Variants in WSB1 observed in about 807,000 individuals in gnomAD.
WSB1 encodes the protein WD repeat and SOCS box containing 1.
Under a neutral mutation model 50.2 loss-of-function variants are expected in WSB1, and 23 were observed. That is an observed-to-expected ratio of 0.46 (90% CI 0.33 to 0.65). WSB1 has a LOEUF of 0.65. Ranked by LOEUF, WSB1 falls within the 30% of genes least tolerant of loss-of-function variation. The probability of loss-of-function intolerance (pLI) is 0.02; values close to 1 mark genes in which losing one functional copy is unlikely to be tolerated. For missense variants in WSB1, 492 were observed against 522.3 expected, an observed-to-expected ratio of 0.94 and a Z score of 0.56; for synonymous variants, 179 against 172.0, an observed-to-expected ratio of 1.04 and a Z score of -0.32.
intron 1 of WSB1, 54 bp downstream of exon 1, chr17:27,294,489 C>A: frequency 6.2e-7 from 1 of 1,603,936 alleles, no homozygotes; most frequent in Non-Finnish European, 8.5e-7. Context: ...GGCAGGGACT[C>A]CCCGGAGGAG....
At chr17:27,310,200 T>G in intron 7 of WSB1, 26 bp downstream of exon 7, 1 of 1,595,492 alleles carries the variant, frequency 6.3e-7, no homozygotes, top group East Asian at 2.2e-5. Context: ...ATAGCTTGAC[T>G]GACTTACTAT....
chr17:27,301,888 A>G lies in WSB1; in HGVS notation c.141A>G (p.Ser47=). 16 of 1,613,854 alleles carry G rather than the reference A, an allele frequency of 9.9e-6. No homozygotes were observed. Among genetic ancestry groups the G allele is most frequent in the Non-Finnish European group, 1.3e-5 (15 of 1,179,892 alleles). Residue 47 remains serine (S), a synonymous_variant, in exon 2 of 9, where the codon TCA becomes TCG. Transcript: ENST00000262394. ...NWTVAFAPDG[S]YFAWSQGHRT... ...CTGTTGCTTTTGCTCCAGATGGTTC[A>G]TACTTTGCTTGGTCACAAGGACATC...
At chr17:27,311,648 T>TTC in intron 8 of WSB1, 32 bp downstream of exon 8, 1 of 1,461,524 alleles carries the variant, frequency 6.8e-7, no homozygotes, top group Non-Finnish European at 9.1e-7. Context: ...TTTTTTTTTT[T>TTC]TTTTTTTTTT....
chr17:27,300,170 T>TGGGTGTGTGTGGGGGGTGGGGGG (rs2017168109), intron 1 of WSB1, among the ~76,000 whole-genome samples: 13 of 112,162 alleles, frequency 1.2e-4, no homozygotes, highest in South Asian at 3.1e-4. Context: ...ATTTTGGGGG[T>TGGGTGTGTGTGGGGGGTGGGGGG]GGGTGTGTCC....
intron 4 of WSB1, among the ~76,000 whole-genome samples, chr17:27,306,202 C>CTTTTTTTTTTTT (rs907711059): frequency 1.6e-5 from 1 of 63,148 alleles, no homozygotes; most frequent in Non-Finnish European, 3.0e-5. Context: ...AGAATTCTGT[C>CTTTTTTTTTTTT]TTTTTTTTTT....
At chr17:27,307,846 C>T (rs2017521241) in intron 5 of WSB1, 4 of 1,506,794 alleles carry the variant, frequency 2.7e-6, no homozygotes, top group South Asian at 1.2e-5. Context: ...CTCTGGCTAC[C>T]GGGCTGGGGG....
At chr17:27,302,151 C>CT (rs1430965532) in intron 2 of WSB1, 195 bp downstream of exon 2, 1 of 654,062 alleles carries the variant, frequency 1.5e-6, no homozygotes, top group Non-Finnish European at 2.3e-6. Context: ...CGGCTCAGGC[C>CT]TATAATCCCA....
chr17:27,310,053 G>T lies in WSB1; in HGVS notation c.885-8G>T. 6.2e-7 allele frequency: 1 copy of T among 1,612,822 alleles called. No individual in the cohort carries two copies. Among genetic ancestry groups the T allele is most frequent in the South Asian group, 1.1e-5 (1 of 91,000 alleles). On this transcript the variant is annotated splice_polypyrimidine_tract_variant and splice_region_variant and intron_variant, in intron 6 of 8. Coordinates refer to ENST00000262394, the MANE Select transcript of WSB1 (RefSeq NM_015626.10). The stretch of plus-strand genomic sequence containing the variant: ...TGATATCCACTGAAAACATATATTT[G>T]ACCTCAGGCACCTGTTTCCCCCACC...
chr17:27,303,229 A>T, intron 2 of WSB1, 138 bp from the exon 3 acceptor site: 1 of 957,836 alleles, frequency 1.0e-6, no homozygotes, highest in Non-Finnish European at 1.5e-6. Flanking sequence ...TTCCCTTCCT[A>T]TCTATAGGAT....
intron 5 of WSB1, chr17:27,307,720 T>A: frequency 6.5e-7 from 1 of 1,534,566 alleles, no homozygotes. Flanking sequence ...GTTTTCCATA[T>A]GCTTCTTGCT....
chr17:27,307,612 A>G, intron 5 of WSB1: 2 of 854,566 alleles, frequency 2.3e-6, no homozygotes, highest in Non-Finnish European at 3.5e-6. Flanking sequence ...AATGATAGTT[A>G]TAAATGTTGG....
intron 1 of WSB1, among the ~76,000 whole-genome samples, chr17:27,295,180 C>T (rs1256864379): frequency 6.6e-6 from 1 of 152,166 alleles, no homozygotes; most frequent in Non-Finnish European, 1.5e-5. Flanking sequence ...TTATTTAAAT[C>T]CTCTTTTAAA....
At chr17:27,304,683 G>T in intron 3 of WSB1, 97 bp from the exon 4 acceptor site, 1 of 1,282,176 alleles carries the variant, frequency 7.8e-7, no homozygotes, top group Non-Finnish European at 1.1e-6. Flanking sequence ...TTGCACTCCA[G>T]CCTGAGTGAC....
intron 1 of WSB1, among the ~76,000 whole-genome samples, chr17:27,299,008 G>C (rs929007800): frequency 1.3e-5 from 2 of 152,142 alleles, no homozygotes; most frequent in Admixed American, 1.3e-4. Context: ...CTGCACTCCA[G>C]CCTTGGCAAC....
At chr17:27,308,033 T>A in intron 5 of WSB1, 1 of 1,206,296 alleles carries the variant, frequency 8.3e-7, no homozygotes, top group Non-Finnish European at 1.0e-6. Context: ...TCCAGTTTTA[T>A]GGAATTGGGA....
chr17:27,308,673 A>G, intron 5 of WSB1: 1 of 986,664 alleles, frequency 1.0e-6, no homozygotes, highest in Non-Finnish European at 1.2e-6. Flanking sequence ...ATGGAGTAAC[A>G]ATTTGTTAAC....
intron 5 of WSB1, chr17:27,307,532 A>G (rs2017510418): frequency 1.7e-6 from 1 of 571,968 alleles, no homozygotes; most frequent in East Asian, 3.0e-5. Context: ...GATAATTACA[A>G]TACACTTTGA....
chr17:27,295,461 GA>G (rs1414232202), intron 1 of WSB1, among the ~76,000 whole-genome samples: 1 of 152,080 alleles, frequency 6.6e-6, no homozygotes, highest in Non-Finnish European at 1.5e-5. Flanking sequence ...AGCTGTTTTA[GA>G]ATTCTGGACT....
rs201880650 is a variant in WSB1 at position 27,294,423 on chromosome 17, G to C, written c.28G>C (p.Glu10Gln). ...GGCCAGCTTTCCCCCGAGGGTCAAC[G>C]AGAAAGAGATCGGTGAGGATTGGGA... The part of the protein sequence containing the change: MASFPPRVN[E>Q]KEIVRLRTIG... Residue 10 changes from glutamate to glutamine, a missense_variant, in exon 1 of 9, where the codon GAG (glutamate) becomes CAG (glutamine). By Grantham distance (29) the Glu-to-Gln change is conservative. Transcript: ENST00000262394. 3.2e-5 allele frequency: 51 copies of C among 1,613,692 alleles called. No individual in the cohort carries two copies. Among genetic ancestry groups the C allele is most frequent in the Non-Finnish European group, 4.1e-5 (48 of 1,179,810 alleles).
Sources: allele counts gnomAD v4.1 joint callset (sites outside exome capture counted in the v4.1 genomes callset), GRCh38; gene constraint gnomAD v4.1.1; transcripts MANE v1.5; gene names NCBI Gene and HGNC (gene_info 2026-07-23, HGNC 2026-07-21).